The following RGS6 variants were observed in gnomAD, a reference collection of about 807,000 sequenced individuals.
RGS6 encodes the protein regulator of G-protein signaling 6.
A neutral mutation model predicts 78.5 loss-of-function variants in RGS6; 30 were observed. The ratio of observed to expected loss-of-function variants is 0.38; its 90% CI spans 0.29 to 0.52. The LOEUF (loss-of-function observed/expected upper bound fraction) is 0.52, where lower values mean the gene tolerates loss of function less well. Ranked by LOEUF, RGS6 falls within the 20% of genes least tolerant of loss-of-function variation. The pLI, the probability that RGS6 is intolerant of heterozygous loss-of-function variation, is 0.85. For synonymous variants in RGS6, 206 were observed against 206.0 expected (o/e 1.00, Z 0.00); for missense variants, 495 against 609.7 (o/e 0.81, Z 1.98).
the RGS6 span, among the ~76,000 whole-genome samples, chr14:71,893,902 T>C: frequency 0.046 from 6,929 of 152,198 alleles, 372 homozygotes; most frequent in African/African-American, 0.12. Context: ...AGGCTGATCC[T>C]CTGTCCAGTC....
intron 17 of RGS6, among the ~76,000 whole-genome samples, chr14:72,547,874 C>G (rs2153525110): frequency 1.3e-5 from 2 of 152,314 alleles, no homozygotes; most frequent in Middle Eastern, 6.8e-3. Flanking sequence ...TCTCCACACC[C>G]CCCGTGGCGG....
At chr14:72,393,712 T>C (rs1358087024) in intron 3 of RGS6, among the ~76,000 whole-genome samples, 1 of 152,158 alleles carries the variant, frequency 6.6e-6, no homozygotes, top group Non-Finnish European at 1.5e-5. Flanking sequence ...AGAATATAGG[T>C]AGTGAGACTG....
chr14:72,308,878 A>G (rs898324370), intron 2 of RGS6, among the ~76,000 whole-genome samples: 12 of 152,224 alleles, frequency 7.9e-5, no homozygotes, highest in African/African-American at 2.7e-4. Context: ...CTCTAAATCT[A>G]GATGAAATGA....
At chr14:72,269,548 A>G (rs1288759725) in intron 2 of RGS6, among the ~76,000 whole-genome samples, 1 of 143,598 alleles carries the variant, frequency 7.0e-6, no homozygotes. Flanking sequence ...AAATGTTTTT[A>G]CAGTGAAACC....
the RGS6 span, among the ~76,000 whole-genome samples, chr14:72,619,094 G>A: frequency 2.8e-4 from 42 of 152,352 alleles, no homozygotes; most frequent in Non-Finnish European, 4.6e-4. Context: ...GAGACAAGGA[G>A]GTGCTGGCTG....
chr14:72,017,854 G>A (rs1321160950), intron 2 of RGS6, among the ~76,000 whole-genome samples: 1 of 152,064 alleles, frequency 6.6e-6, no homozygotes, highest in African/African-American at 2.4e-5. Flanking sequence ...TGTGTGCCAT[G>A]GTGGTTTGCT....
chr14:72,013,753 T>C (rs1293377235), intron 2 of RGS6, among the ~76,000 whole-genome samples: 1 of 152,226 alleles, frequency 6.6e-6, no homozygotes, highest in East Asian at 1.9e-4. Context: ...ATGAAGGCTT[T>C]GTGTGATGAA....
intron 2 of RGS6, among the ~76,000 whole-genome samples, chr14:72,064,319 A>C (rs537650771): frequency 6.6e-6 from 1 of 152,306 alleles, no homozygotes; most frequent in African/African-American, 2.4e-5. Flanking sequence ...ACTGATGCCA[A>C]ATTGTTGACA....
chr14:72,353,997 A>ACAG (rs1354790166), intron 3 of RGS6, among the ~76,000 whole-genome samples: 3 of 151,292 alleles, frequency 2.0e-5, no homozygotes, highest in Admixed American at 2.0e-4. Flanking sequence ...AACAACAACA[A>ACAG]CAACAACAGA....
chr14:72,456,854 G>A (rs1015084833), intron 4 of RGS6, among the ~76,000 whole-genome samples: 1 of 151,894 alleles, frequency 6.6e-6, no homozygotes, highest in Non-Finnish European at 1.5e-5. Flanking sequence ...CAGCTGGGAG[G>A]ACTGCTTGAG....
chr14:72,313,460 C>T (rs970689174), intron 2 of RGS6, among the ~76,000 whole-genome samples: 2 of 152,230 alleles, frequency 1.3e-5, no homozygotes, highest in East Asian at 1.9e-4. Flanking sequence ...CTTCCTCTTT[C>T]TCTCTTCTTC....
intron 3 of RGS6, among the ~76,000 whole-genome samples, chr14:72,427,244 G>A (rs2094465337): frequency 6.6e-6 from 1 of 152,204 alleles, no homozygotes; most frequent in South Asian, 2.1e-4. Flanking sequence ...TTTTCTTACA[G>A]TATATTGCTA....
chr14:72,001,780 C>T (rs10483838), intron 2 of RGS6, among the ~76,000 whole-genome samples: 13,629 of 151,840 alleles, frequency 0.09, 918 homozygotes, highest in East Asian at 0.21. Flanking sequence ...TGTTTTGCAC[C>T]TAAAGGGCCC....
At chr14:72,143,387 A>C (rs1471775944) in intron 2 of RGS6, among the ~76,000 whole-genome samples, 1 of 151,868 alleles carries the variant, frequency 6.6e-6, no homozygotes. Flanking sequence ...AAAAACACAA[A>C]AAACTGTCTT....
chr14:72,398,990 A>G (rs1032811219), intron 3 of RGS6, among the ~76,000 whole-genome samples: 3 of 151,760 alleles, frequency 2.0e-5, no homozygotes, highest in Admixed American at 6.6e-5. Flanking sequence ...TCAATTTTGG[A>G]ATAGGTGTGG....
intron 16 of RGS6, chr14:72,537,584 A>G (rs2097267587): frequency 1.4e-6 from 1 of 702,326 alleles, no homozygotes; most frequent in Non-Finnish European, 2.6e-6. Context: ...GAGGATGCCA[A>G]TGGAGGGGCT....
intron 14 of RGS6, among the ~76,000 whole-genome samples, chr14:72,516,665 C>G (rs1000758329): frequency 1.3e-5 from 2 of 152,228 alleles, no homozygotes; most frequent in African/African-American, 4.8e-5. Flanking sequence ...CTGACCCCTC[C>G]TCAGCTCCCC....
At chr14:72,351,100 T>A (rs536960462) in intron 2 of RGS6, among the ~76,000 whole-genome samples, 416 of 152,330 alleles carry the variant, frequency 2.7e-3, no homozygotes, top group African/African-American at 9.3e-3. Context: ...TCTAGCCTTA[T>A]GATGTGAGCC....
At chr14:72,359,376 G>A (rs1276319868) in intron 3 of RGS6, among the ~76,000 whole-genome samples, 2 of 152,160 alleles carry the variant, frequency 1.3e-5, no homozygotes, top group Non-Finnish European at 2.9e-5. Context: ...AGGGGTGCCA[G>A]GGGTTGGGGT....
Sources: gnomAD v4.1 joint callset for allele counts (sites outside exome capture counted in the v4.1 genomes callset) on GRCh38, gnomAD v4.1.1 for gene constraint, MANE v1.5 for transcripts, NCBI Gene and HGNC (gene_info 2026-07-23, HGNC 2026-07-21) for gene names.